SLC24A1: variants seen among roughly 807,000 people sequenced by gnomAD.
SLC24A1 encodes solute carrier family 24 member 1, also known as sodium/potassium/calcium exchanger 1.
SLC24A1 carries 52 observed loss-of-function variants against 88.1 expected under a neutral mutation model. That is an observed-to-expected ratio of 0.59 (90% CI 0.47 to 0.74). The LOEUF is 0.74. Ranked by LOEUF, SLC24A1 falls within the 30% of genes least tolerant of loss-of-function variation. The probability of loss-of-function intolerance (pLI) is 0.00; values close to 1 mark genes in which losing one functional copy is unlikely to be tolerated. For missense variants in SLC24A1, 1,173 were observed against 1,363.3 expected (o/e 0.86, Z 2.20); for synonymous variants, 455 against 498.0 (o/e 0.91, Z 1.15).
intron 6 of SLC24A1, among the ~76,000 whole-genome samples, chr15:65,648,555 C>T (rs1409742945): frequency 1.3e-5 from 2 of 151,656 alleles, no homozygotes; most frequent in East Asian, 1.9e-4. Flanking sequence ...GATCTCAGCT[C>T]ACTGCAACCT....
downstream of SLC24A1, chr15:65,659,321 G>GTTTTTTTTTTTTTTTTT (rs1491492345): frequency 6.0e-4 from 40 of 66,670 alleles, 17 homozygotes; most frequent in East Asian, 8.8e-4. Context: ...GATATTTTCT[G>GTTTTTTTTTTTTTTTTT]GTTTTTTTTT....
chr15:65,635,634 A>G (rs1169299730), intron 2 of SLC24A1, among the ~76,000 whole-genome samples: 1 of 152,070 alleles, frequency 6.6e-6, no homozygotes, highest in Non-Finnish European at 1.5e-5. Flanking sequence ...CCCCCTTCAT[A>G]TGCAGATTGG....
intron 1 of SLC24A1, chr15:65,611,951 A>C (rs2073968227): frequency 6.6e-6 from 1 of 152,216 alleles, no homozygotes; most frequent in African/African-American, 2.4e-5. Context: ...ATTTACCTCA[A>C]GACTTGGCCT....
At chr15:65,632,789 G>T (rs1314784049) in intron 2 of SLC24A1, among the ~76,000 whole-genome samples, 3 of 152,178 alleles carry the variant, frequency 2.0e-5, no homozygotes, top group Admixed American at 1.3e-4. Flanking sequence ...GTTTTGTGGG[G>T]CCTGATACTC....
chr15:65,611,575 A>C (rs1596283911), exon 1 of SLC24A1: 3 of 225,322 alleles, frequency 1.3e-5, no homozygotes, highest in Non-Finnish European at 2.7e-5. Context: ...TTTCCTCGTC[A>C]CTCTTTAGCC....
Position 65,655,723 on chromosome 15 carries a change from T to C in SLC24A1, c.*1644T>C, listed in dbSNP as rs192732212. On this transcript the variant is annotated 3_prime_UTR_variant, in exon 10 of 10. Transcript: ENST00000261892. ...TGAAAAAAACCCAAACATTTTGGCA[T>C]TGAATGATGGCTAAGGTGTTCCAAG... 2.6e-5 allele frequency: 26 copies of C among 985,422 alleles called. No homozygotes were observed. The East Asian group carries it at 1.5e-3, about 56-fold the overall frequency. The allele number at this position is 985,422 out of a possible 1,614,324, so 61.0% of individuals were successfully genotyped here.
At position 65,655,962 on chromosome 15, in the gene SLC24A1, A is replaced by G. The variant is rs2075670262; in HGVS notation, c.*1883A>G. ...GAGTATGGAATCATGTTCCAATTCTATATTCTTAATTATCCTTATTCCTGA... is the reference window on the plus strand; with the variant it reads ...GAGTATGGAATCATGTTCCAATTCTGTATTCTTAATTATCCTTATTCCTGA... On this transcript the variant is annotated 3_prime_UTR_variant, in exon 10 of 10. Coordinates refer to ENST00000261892, the MANE Select transcript of SLC24A1 (RefSeq NM_004727.3). 2.0e-6 allele frequency: 2 copies of G among 985,272 alleles called. No homozygotes were observed. Among genetic ancestry groups the G allele is most frequent in the Non-Finnish European group, 2.4e-6 (2 of 829,826 alleles). 61.0% of individuals were successfully genotyped at this position (985,272 alleles called of 1,614,324 possible). A position where few individuals can be genotyped will look rare whatever the true frequency, so the allele number is the denominator to read the frequency against.
rs1260038765 is a variant in SLC24A1 at position 65,625,233 on chromosome 15, G to T, written c.1153G>T (p.Ala385Ser). The change falls in exon 2 of 10, where the codon GCA becomes TCA. Residue 385 changes from alanine (A) to serine (S), a missense_variant. Physicochemically the swap from Ala to Ser is moderately conservative, Grantham distance 99. Coordinates refer to ENST00000261892, the MANE Select transcript of SLC24A1 (RefSeq NM_004727.3). ...CACCTCAACAACCCCTACGGTCAGGGCAAAGCTGACCATGCAGGTCCATCA... is the reference window on the plus strand; with the variant it reads ...CACCTCAACAACCCCTACGGTCAGGTCAAAGCTGACCATGCAGGTCCATCA... Reference protein sequence around the residue: ...PSTSTTPTVRAKLTMQVHHCV... With the variant: ...PSTSTTPTVRSKLTMQVHHCV... 6.2e-7 allele frequency: 1 copy of T among 1,613,876 alleles called. No homozygotes were observed. The highest frequency in any genetic ancestry group is 1.7e-5 in the Admixed American group (1 of 60,016).
chr15:65,650,166 G>A lies in SLC24A1; in HGVS notation c.2233-216G>A, dbSNP rs1297537196. On this transcript the variant is annotated intron_variant, in intron 6 of 9. Coordinates refer to ENST00000261892, the MANE Select transcript of SLC24A1 (RefSeq NM_004727.3). This position sits in a 1 kb window ranked among gnomAD's most constrained non-coding sequence, Gnocchi z 4.1. ...TGACAGAAGCTGCTTCAGGTGGTGA[G>A]CTTTCCACCCCTGGAAATGATCAAA... Among the ~76,000 whole-genome samples the A allele has an allele frequency of 6.6e-6, 1 of 152,198 alleles. No homozygotes were observed. The highest frequency in any genetic ancestry group is 1.9e-4 in the East Asian group (1 of 5,202).
Position 65,654,181 on chromosome 15 carries a change from T to C in SLC24A1, c.*102T>C. 2 of 1,508,446 alleles carry C rather than the reference T, an allele frequency of 1.3e-6. No individual in the cohort carries two copies. Among genetic ancestry groups the C allele is most frequent in the East Asian group, 2.3e-5 (1 of 44,006 alleles). The allele number at this position is 1,508,446 out of a possible 1,614,324, so 93.4% of individuals were successfully genotyped here. The stretch of plus-strand genomic sequence containing the variant: ...AAAGAATGTATATGATCCTGGAAAG[T>C]GAACTGGGTGACCTAGGACCTCTGA... On this transcript the variant is annotated 3_prime_UTR_variant, in exon 10 of 10. Coordinates refer to ENST00000261892, the MANE Select transcript of SLC24A1 (RefSeq NM_004727.3).
At chr15:65,642,960 C>T (rs1052504031) in intron 4 of SLC24A1, 6 of 1,280,398 alleles carry the variant, frequency 4.7e-6, no homozygotes, top group African/African-American at 1.5e-5. Flanking sequence ...CCTTCTAACT[C>T]GGACCCTCTG....
chr15:65,628,334 C>T (rs2074588557), intron 2 of SLC24A1, among the ~76,000 whole-genome samples: 1 of 152,174 alleles, frequency 6.6e-6, no homozygotes, highest in African/African-American at 2.4e-5. Flanking sequence ...AGTCTGGTCA[C>T]ATCAGGCTTA....
chr15:65,631,482 A>C (rs1314639193), intron 2 of SLC24A1, among the ~76,000 whole-genome samples: 3 of 152,194 alleles, frequency 2.0e-5, no homozygotes, highest in African/African-American at 7.2e-5. Flanking sequence ...AGAGTGTAGG[A>C]GGTCTCTTGG....
chr15:65,611,422 C>T, exon 1 of SLC24A1: 1 of 562,938 alleles, frequency 1.8e-6, no homozygotes, highest in South Asian at 2.1e-5. Context: ...TGAATCTCTC[C>T]CCATTCTCGG....
chr15:65,646,864 C>A (rs547683187), intron 6 of SLC24A1, among the ~76,000 whole-genome samples: 2 of 152,306 alleles, frequency 1.3e-5, no homozygotes, highest in South Asian at 4.1e-4. Context: ...TTCATGGTAA[C>A]ATGAGTAGGT....
At chr15:65,629,424 TATTTTGGACAACATCGTCAG>T (rs768223366) in intron 2 of SLC24A1, among the ~76,000 whole-genome samples, 12 of 152,214 alleles carry the variant, frequency 7.9e-5, no homozygotes, top group Non-Finnish European at 1.6e-4. Flanking sequence ...AAGCTAAAAA[TATTTTGGACAACATCGTCAG>T]ATTGACATAT....
chr15:65,650,835 C>T lies in SLC24A1; in HGVS notation c.2686C>T (p.Pro896Ser), dbSNP rs1199934765. The change falls in exon 7 of 10, where the codon CCT (proline) becomes TCT (serine). Residue 896 changes from proline (P) to serine (S), a missense_variant. Transcript: ENST00000261892. The surrounding 1 kb of genome is among the most constrained non-coding windows in gnomAD (Gnocchi z 4.1). ...EEEEEKGNEE[P>S]LSLDWPETRQ... The stretch of plus-strand genomic sequence containing the variant: ...AGAGGAGGAGAAGGGAAATGAAGAG[C>T]CTCTGTCCCTGGACTGGCCTGAAAC... 6.2e-7 allele frequency: 1 copy of T among 1,613,710 alleles called. No individual in the cohort carries two copies. The highest frequency in any genetic ancestry group is 8.5e-7 in the Non-Finnish European group (1 of 1,179,774).
chr15:65,614,599 T>G (rs2074076112), intron 2 of SLC24A1, among the ~76,000 whole-genome samples: 1 of 152,208 alleles, frequency 6.6e-6, no homozygotes, highest in Non-Finnish European at 1.5e-5. Flanking sequence ...TCAATCCTCT[T>G]TCAGTTTTTT....
chr15:65,638,792 T>G (rs1429626178), intron 3 of SLC24A1, among the ~76,000 whole-genome samples: 1 of 150,918 alleles, frequency 6.6e-6, no homozygotes, highest in South Asian at 2.1e-4. Flanking sequence ...GGCAGAAGAG[T>G]TCAGATCAGA....
Sources: gnomAD v4.1 joint callset for allele counts (sites outside exome capture counted in the v4.1 genomes callset) on GRCh38, gnomAD v4.1.1 for gene constraint, Gnocchi (gnomAD v3.1) non-coding constraint, MANE v1.5 for transcripts, NCBI Gene and HGNC (gene_info 2026-07-23, HGNC 2026-07-21) for gene names.